NALF1: variants seen among roughly 807,000 people sequenced by gnomAD.
The protein encoded by NALF1 is family with sequence similarity 155 member A.
A neutral mutation model predicts 48.4 loss-of-function variants in NALF1; 3 were observed. The ratio of observed to expected loss-of-function variants is 0.06; its 90% CI spans 0.03 to 0.16. NALF1 has a LOEUF of 0.16. NALF1 is among the 10% of genes least tolerant of loss of function. The pLI is 1.00. For missense variants in NALF1, 526 were observed against 571.5 expected (o/e 0.92, Z 0.81); for synonymous variants, 262 against 245.7 (o/e 1.07, Z -0.62).
intron 1 of NALF1, among the ~76,000 whole-genome samples, chr13:107,675,605 C>T (rs1935132): frequency 0.42 from 64,129 of 151,912 alleles, 14,644 homozygotes; most frequent in East Asian, 0.58. Flanking sequence ...TGATATCATG[C>T]TGGCATTAAC....
intron 1 of NALF1, among the ~76,000 whole-genome samples, chr13:107,583,573 T>C (rs981925119): frequency 7.2e-5 from 11 of 152,160 alleles, no homozygotes; most frequent in Admixed American, 1.3e-4. Flanking sequence ...GATGTGAACT[T>C]TTAGAAATAA....
intron 1 of NALF1, among the ~76,000 whole-genome samples, chr13:107,858,776 T>C (rs1880497992): frequency 6.6e-6 from 1 of 152,234 alleles, no homozygotes; most frequent in Non-Finnish European, 1.5e-5. Flanking sequence ...AAATCTGTAA[T>C]AATACTTCCC....
intron 1 of NALF1, among the ~76,000 whole-genome samples, chr13:107,595,939 A>G (rs561646348): frequency 6.6e-6 from 1 of 152,222 alleles, no homozygotes; most frequent in South Asian, 2.1e-4. Context: ...TGGGGCTCCA[A>G]TTGGTATATT....
At chr13:107,586,635 A>ATTTTTTTTTGTTTTTTTTTTTTT (rs1878465103) in intron 1 of NALF1, among the ~76,000 whole-genome samples, 1 of 93,122 alleles carries the variant, frequency 1.1e-5, no homozygotes, top group Non-Finnish European at 2.0e-5. Context: ...CCCTATGGAG[A>ATTTTTTTTTGTTTTTTTTTTTTT]TTTTTTTTTT....
At chr13:107,252,072 C>T (rs1305555147) in intron 1 of NALF1, among the ~76,000 whole-genome samples, 1 of 152,050 alleles carries the variant, frequency 6.6e-6, no homozygotes, top group African/African-American at 2.4e-5. Flanking sequence ...CCTGGGAGGG[C>T]CTGGTGGAAG....
intron 1 of NALF1, among the ~76,000 whole-genome samples, chr13:107,372,681 T>A (rs970558501): frequency 6.6e-6 from 1 of 152,162 alleles, no homozygotes; most frequent in Non-Finnish European, 1.5e-5. Flanking sequence ...GATAAGATAA[T>A]AGAAAACATT....
intron 1 of NALF1, among the ~76,000 whole-genome samples, chr13:107,607,314 G>T (rs1249893299): frequency 2.6e-5 from 4 of 151,996 alleles, no homozygotes; most frequent in African/African-American, 9.7e-5. Context: ...ATAAATGAAA[G>T]ATTATAAATA....
intron 1 of NALF1, among the ~76,000 whole-genome samples, chr13:107,533,923 G>A (rs867778477): frequency 4.6e-5 from 7 of 152,080 alleles, no homozygotes; most frequent in Non-Finnish European, 8.8e-5. Context: ...AATGGGAAAT[G>A]GGGAGGGGGA....
chr13:107,679,512 A>G (rs947845906), intron 1 of NALF1, among the ~76,000 whole-genome samples: 1 of 152,192 alleles, frequency 6.6e-6, no homozygotes, highest in African/African-American at 2.4e-5. Context: ...AGCAGCTTAG[A>G]ATCATGATAA....
At chr13:107,291,965 A>G (rs1881629436) in intron 1 of NALF1, among the ~76,000 whole-genome samples, 1 of 152,218 alleles carries the variant, frequency 6.6e-6, no homozygotes, top group South Asian at 2.1e-4. Flanking sequence ...AGTGACATAA[A>G]ATATCCTGCT....
At chr13:107,777,766 A>G (rs1355717549) in intron 1 of NALF1, among the ~76,000 whole-genome samples, 1 of 152,186 alleles carries the variant, frequency 6.6e-6, no homozygotes, top group African/African-American at 2.4e-5. Flanking sequence ...TACATCCATC[A>G]ATGCCTTTAA....
chr13:107,649,967 T>G (rs1440226955), intron 1 of NALF1, among the ~76,000 whole-genome samples: 1 of 152,174 alleles, frequency 6.6e-6, no homozygotes, highest in African/African-American at 2.4e-5. Flanking sequence ...GTAAGTTACT[T>G]TGGCCAATAA....
chr13:107,440,559 G>A (rs1359550031), intron 1 of NALF1, among the ~76,000 whole-genome samples: 2 of 152,108 alleles, frequency 1.3e-5, no homozygotes, highest in Non-Finnish European at 2.9e-5. Flanking sequence ...AAAGAGAAGA[G>A]GACACCGTGT....
At chr13:107,329,219 T>C (rs1882422054) in intron 1 of NALF1, among the ~76,000 whole-genome samples, 1 of 152,226 alleles carries the variant, frequency 6.6e-6, no homozygotes, top group Non-Finnish European at 1.5e-5. Flanking sequence ...ATATGCCTTC[T>C]GGAATTTAGA....
chr13:107,579,603 T>TTCTTA (rs1407108342), intron 1 of NALF1, among the ~76,000 whole-genome samples: 2 of 152,114 alleles, frequency 1.3e-5, no homozygotes, highest in African/African-American at 4.8e-5. Context: ...TTCTTTTCTT[T>TTCTTA]TTAACCTTAA....
At chr13:107,178,326 G>A (rs1373693187) in intron 2 of NALF1, among the ~76,000 whole-genome samples, 1 of 152,164 alleles carries the variant, frequency 6.6e-6, no homozygotes, top group Non-Finnish European at 1.5e-5. Flanking sequence ...TTAATAAGCA[G>A]AATACATAAG....
At chr13:107,795,696 A>G (rs1005739126) in intron 1 of NALF1, among the ~76,000 whole-genome samples, 2 of 152,224 alleles carry the variant, frequency 1.3e-5, no homozygotes, top group Non-Finnish European at 2.9e-5. Context: ...TAGTTTATAT[A>G]GCATTTGAAT....
At chr13:107,485,208 G>A (rs1170776454) in intron 1 of NALF1, among the ~76,000 whole-genome samples, 1 of 152,142 alleles carries the variant, frequency 6.6e-6, no homozygotes, top group Admixed American at 6.6e-5. Flanking sequence ...TTGTTTTGGA[G>A]ATGAAGACAG....
chr13:107,538,295 C>A (rs989060559), intron 1 of NALF1, among the ~76,000 whole-genome samples: 1 of 152,064 alleles, frequency 6.6e-6, no homozygotes, highest in Admixed American at 6.6e-5. Flanking sequence ...TTCATGCTAC[C>A]TTCTCTGTAA....
Sources: allele counts gnomAD v4.1 joint callset (sites outside exome capture counted in the v4.1 genomes callset), GRCh38; gene constraint gnomAD v4.1.1; transcripts MANE v1.5; gene names NCBI Gene and HGNC (gene_info 2026-07-23, HGNC 2026-07-21).